Variants in ADGRE3 observed in about 807,000 individuals in gnomAD.
ADGRE3 encodes adhesion G protein-coupled receptor E3, also known as EGF-like module receptor 3.
A neutral mutation model predicts 80.1 loss-of-function variants in ADGRE3; 88 were observed. The ratio of observed to expected loss-of-function variants is 1.10; its 90% CI spans 0.93 to 1.31. The LOEUF is 1.31. Ranked by LOEUF, ADGRE3 falls within the 40% of genes most tolerant of loss-of-function variation. The pLI, the probability that ADGRE3 is intolerant of heterozygous loss-of-function variation, is 0.00. For synonymous variants in ADGRE3, 281 were observed against 294.8 expected (o/e 0.95, Z 0.48); for missense variants, 715 against 776.5 (o/e 0.92, Z 0.94).
the ADGRE3 span, among the ~76,000 whole-genome samples, chr19:14,600,824 C>T: frequency 5.3e-5 from 8 of 150,382 alleles, no homozygotes; most frequent in South Asian, 2.1e-4. Context: ...CTCCTGACCT[C>T]GTGATCTGCC....
At chr19:14,665,934 G>GTGTATATATA (rs1385148345) in intron 2 of ADGRE3, among the ~76,000 whole-genome samples, 165 of 8,728 alleles carry the variant, frequency 0.019, 4 homozygotes, top group African/African-American at 0.086. Context: ...ACACACATAT[G>GTGTATATATA]TGTATATATA....
At chr19:14,644,517 A>T (rs1381544452) in intron 8 of ADGRE3, among the ~76,000 whole-genome samples, 1 of 151,834 alleles carries the variant, frequency 6.6e-6, no homozygotes, top group East Asian at 1.9e-4. Flanking sequence ...GACAGGGTCA[A>T]CCGTGCTGCC....
intron 1 of ADGRE3, among the ~76,000 whole-genome samples, chr19:14,673,797 G>A (rs937580791): frequency 7.9e-5 from 12 of 152,186 alleles, no homozygotes; most frequent in African/African-American, 2.9e-4. Context: ...TTTCATAGTG[G>A]TGAAGTCAGG....
intron 11 of ADGRE3, among the ~76,000 whole-genome samples, chr19:14,635,108 A>G (rs1287353785): frequency 2.0e-5 from 3 of 151,998 alleles, no homozygotes; most frequent in East Asian, 3.9e-4. Context: ...TTATTTATAT[A>G]TTTTTTAGAG....
At chr19:14,647,996 C>T (rs1054489928) in intron 7 of ADGRE3, among the ~76,000 whole-genome samples, 19 of 149,960 alleles carry the variant, frequency 1.3e-4, no homozygotes, top group Non-Finnish European at 2.2e-4. Flanking sequence ...GCTGGAGAAT[C>T]GCTTGAACCC....
chr19:14,634,533 G>A (rs1173691074), intron 11 of ADGRE3, among the ~76,000 whole-genome samples: 1 of 152,132 alleles, frequency 6.6e-6, no homozygotes, highest in Non-Finnish European at 1.5e-5. Context: ...TAACTGTGGT[G>A]TGATTTAGGA....
chr19:14,631,597 T>C (rs939484389), intron 13 of ADGRE3, among the ~76,000 whole-genome samples: 2 of 151,580 alleles, frequency 1.3e-5, no homozygotes, highest in African/African-American at 4.8e-5. Flanking sequence ...ATATACATTG[T>C]GTTATATATG....
At position 14,673,354 on chromosome 19, in the gene ADGRE3, G is replaced by A. The variant is rs184715400; in HGVS notation, c.25+1392C>T. On this transcript the variant is annotated intron_variant, in intron 1 of 15. Transcript: ENST00000253673. ...AGGCTAAAGTAGCTGCTTAATAAAT[G>A]TAAGCTTTGATTGATATTGGGACTA... 4.7e-4 allele frequency among the ~76,000 whole-genome samples: 71 copies of A among 152,300 alleles called. 1 individual carries two copies. Among genetic ancestry groups the A allele is most frequent in the African/African-American group, 1.7e-3 (70 of 41,564 alleles).
chr19:14,647,826 C>A (rs568603268), intron 7 of ADGRE3, among the ~76,000 whole-genome samples: 8 of 151,676 alleles, frequency 5.3e-5, no homozygotes, highest in African/African-American at 1.4e-4. Context: ...ACACCTGTAA[C>A]CCCAGCACTT....
At position 14,665,940 on chromosome 19, in the gene ADGRE3, A is replaced by ATATATG. The variant is rs1424391891; in HGVS notation, c.77-2401_77-2400insCATATA. On this transcript the variant is annotated intron_variant, in intron 2 of 15. Coordinates refer to ENST00000253673, the MANE Select transcript of ADGRE3 (RefSeq NM_032571.5). The stretch of plus-strand genomic sequence containing the variant: ...ATTGCATATACACACATATGTGTAT[A>ATATATG]TATATATATATATATATATATATAT... Among the ~76,000 whole-genome samples, 109 of 88,398 alleles carry ATATATG rather than the reference A, an allele frequency of 1.2e-3. 5 individuals are homozygous for ATATATG. The highest frequency in any genetic ancestry group is 4.9e-3 in the African/African-American group (102 of 20,812). The allele number at this position is 88,398 out of a possible 152,430, so 58.0% of individuals were successfully genotyped here.
the ADGRE3 span, among the ~76,000 whole-genome samples, chr19:14,608,301 G>A: frequency 6.6e-6 from 1 of 152,110 alleles, no homozygotes; most frequent in African/African-American, 2.4e-5. Flanking sequence ...TTTGTCATTG[G>A]CAAAGAAGGG....
At chr19:14,665,948 A>ACATATATATATATATATG (rs1972088779) in intron 2 of ADGRE3, among the ~76,000 whole-genome samples, 1 of 111,632 alleles carries the variant, frequency 9.0e-6, no homozygotes, top group African/African-American at 3.1e-5. Flanking sequence ...ATATATATAT[A>ACATATATATATATATATG]TATATATATA....
intron 11 of ADGRE3, among the ~76,000 whole-genome samples, chr19:14,634,668 G>C (rs1001073389): frequency 1.3e-5 from 2 of 152,100 alleles, no homozygotes; most frequent in African/African-American, 2.4e-5. Flanking sequence ...TTCTCATCTC[G>C]CTAATGAGGG....
At chr19:14,625,875 TA>T (rs1247042851) in intron 14 of ADGRE3, among the ~76,000 whole-genome samples, 1 of 152,102 alleles carries the variant, frequency 6.6e-6, no homozygotes, top group East Asian at 1.9e-4. Context: ...ATGAGGTACC[TA>T]AAGTAGTCAA....
At chr19:14,607,740 C>A in the ADGRE3 span, among the ~76,000 whole-genome samples, 3 of 151,418 alleles carry the variant, frequency 2.0e-5, no homozygotes, top group Non-Finnish European at 4.4e-5. Context: ...TCGTGCCTGG[C>A]TAATTTTTGT....
chr19:14,632,354 G>A (rs1970909098), intron 13 of ADGRE3, among the ~76,000 whole-genome samples: 1 of 152,118 alleles, frequency 6.6e-6, no homozygotes, highest in South Asian at 2.1e-4. Flanking sequence ...TGGCAGAAAC[G>A]AATGTTTTTC....
intron 11 of ADGRE3, among the ~76,000 whole-genome samples, chr19:14,634,181 A>C (rs1049090516): frequency 6.6e-6 from 1 of 152,116 alleles, no homozygotes; most frequent in African/African-American, 2.4e-5. Context: ...AATTTTATGA[A>C]AATTTTATGA....
chr19:14,621,312 G>A (rs1000813495), intron 15 of ADGRE3, among the ~76,000 whole-genome samples: 5 of 152,004 alleles, frequency 3.3e-5, no homozygotes, highest in African/African-American at 4.8e-5. Flanking sequence ...AAAATTAGCC[G>A]GGTGTGGTGG....
At chr19:14,614,572 G>A (rs1056698870), downstream of ADGRE3, among the ~76,000 whole-genome samples, 1 of 150,622 alleles carries the variant, frequency 6.6e-6, no homozygotes, top group Non-Finnish European at 1.5e-5. Context: ...ATTTACCAAC[G>A]CCCGCCAATC....
Sources: allele counts gnomAD v4.1 joint callset (sites outside exome capture counted in the v4.1 genomes callset), GRCh38; gene constraint gnomAD v4.1.1; transcripts MANE v1.5; gene names NCBI Gene and HGNC (gene_info 2026-07-23, HGNC 2026-07-21).